The following KALRN variants were observed in gnomAD, a reference collection of about 807,000 sequenced individuals.
KALRN encodes the protein kalirin.
Under a neutral mutation model 353.7 loss-of-function variants are expected in KALRN, and 70 were observed. The ratio of observed to expected loss-of-function variants is 0.20; its 90% CI spans 0.16 to 0.24. The LOEUF (loss-of-function observed/expected upper bound fraction) is 0.24. Among genes scored for constraint, KALRN ranks in the 10% least tolerant of loss-of-function variants. The pLI, the probability that KALRN is intolerant of heterozygous loss-of-function variation, is 1.00. For synonymous variants in KALRN, 1,391 were observed against 1,434.8 expected, an observed-to-expected ratio of 0.97 and a Z score of 0.69; for missense variants, 2,791 against 3,756.7, an observed-to-expected ratio of 0.74 and a Z score of 6.72.
At chr3:124,437,890 GATATGTAC>G (rs2150546172) in intron 17 of KALRN, among the ~76,000 whole-genome samples, 1 of 152,076 alleles carries the variant, frequency 6.6e-6, no homozygotes, top group Non-Finnish European at 1.5e-5. Context: ...ACCCCTCACA[GATATGTAC>G]ATTCTCCCAT....
rs76379165 is a variant in KALRN, at chr3:124,296,107, C to T, written c.970-2684C>T. Among the ~76,000 whole-genome samples, 31 of 152,286 alleles carry T rather than the reference C, an allele frequency of 2.0e-4. No individual in the cohort carries two copies. The East Asian group carries it at 4.8e-3, about 24-fold the overall frequency. On this transcript the variant is annotated intron_variant, in intron 5 of 59. Transcript: ENST00000682506. ...GGGAGAATAATCTCCAAATCATGCA[C>T]GTTTGCCTTTGGAAGGTGATGTTTT...
intron 16 of KALRN, among the ~76,000 whole-genome samples, chr3:124,433,896 G>T (rs536316140): frequency 6.6e-6 from 1 of 152,248 alleles, no homozygotes; most frequent in East Asian, 1.9e-4. Context: ...GTCTATACTT[G>T]ATCTGTAAAA....
intron 14 of KALRN, among the ~76,000 whole-genome samples, chr3:124,416,969 G>A (rs964314698): frequency 3.3e-5 from 5 of 152,212 alleles, no homozygotes; most frequent in Non-Finnish European, 7.3e-5. Context: ...TTCTTTTCAA[G>A]TGTGAAGTTT....
chr3:124,126,872 C>T (rs1277760487), intron 1 of KALRN, among the ~76,000 whole-genome samples: 1 of 152,178 alleles, frequency 6.6e-6, no homozygotes, highest in Non-Finnish European at 1.5e-5. Flanking sequence ...CTGGCACATT[C>T]CACCCCTCAA....
intron 34 of KALRN, among the ~76,000 whole-genome samples, chr3:124,594,963 T>A (rs1051518917): frequency 1.3e-5 from 2 of 151,812 alleles, no homozygotes; most frequent in Non-Finnish European, 1.5e-5. Flanking sequence ...TTTTTTTAAA[T>A]TTTTTTAAAA....
intron 57 of KALRN, among the ~76,000 whole-genome samples, chr3:124,710,325 C>A (rs961900766): frequency 6.6e-6 from 1 of 152,106 alleles, no homozygotes; most frequent in Non-Finnish European, 1.5e-5. Flanking sequence ...AGTTATGTGG[C>A]AGGGACAGAG....
chr3:124,576,078 C>T (rs901037029), intron 34 of KALRN, among the ~76,000 whole-genome samples: 1 of 151,574 alleles, frequency 6.6e-6, no homozygotes, highest in Non-Finnish European at 1.5e-5. Context: ...CACCAGATAC[C>T]CCAGATCCTC....
intron 51 of KALRN, among the ~76,000 whole-genome samples, chr3:124,686,798 A>ATTTTTTGTTTTT (rs2061580089): frequency 1.4e-5 from 1 of 70,800 alleles, no homozygotes; most frequent in Non-Finnish European, 2.7e-5. Flanking sequence ...CACTGGTGAG[A>ATTTTTTGTTTTT]TTTTTTTTTT....
chr3:124,416,950 T>C (rs2092536641), intron 14 of KALRN, among the ~76,000 whole-genome samples: 1 of 152,224 alleles, frequency 6.6e-6, no homozygotes. Flanking sequence ...CTAGGGAATT[T>C]TTATATGCTT....
intron 5 of KALRN, among the ~76,000 whole-genome samples, chr3:124,287,377 C>G (rs908556043): frequency 1.3e-5 from 2 of 152,018 alleles, no homozygotes; most frequent in African/African-American, 4.8e-5. Flanking sequence ...GCATCTCCCT[C>G]CACTGTAATA....
At chr3:124,564,470 G>A (rs1413502339) in intron 34 of KALRN, among the ~76,000 whole-genome samples, 1 of 151,958 alleles carries the variant, frequency 6.6e-6, no homozygotes, top group East Asian at 1.9e-4. Context: ...GAGGCTAGGA[G>A]TTTGAGACCA....
intron 1 of KALRN, among the ~76,000 whole-genome samples, chr3:124,190,319 T>C (rs2074764517): frequency 6.6e-6 from 1 of 152,200 alleles, no homozygotes; most frequent in Non-Finnish European, 1.5e-5. Flanking sequence ...CCAGTGGAGT[T>C]ATATGTCTGA....
intron 39 of KALRN, 29 bp downstream of exon 39, chr3:124,655,696 G>A: frequency 6.3e-7 from 1 of 1,580,892 alleles, no homozygotes; most frequent in Non-Finnish European, 8.7e-7. Flanking sequence ...GTGGGTCTGT[G>A]GTCACCCAAC....
At chr3:124,490,985 C>T in intron 30 of KALRN, 101 bp downstream of exon 30, 8 of 1,032,142 alleles carry the variant, frequency 7.8e-6, no homozygotes, top group Admixed American at 2.6e-5. Context: ...CCCCGGCCTC[C>T]ACACCAAAAC....
In KALRN at chr3:124,443,309, G is replaced by A. The variant is rs75644471; in HGVS notation, c.3313+1250G>A. Among the ~76,000 whole-genome samples, 149 of 152,322 alleles carry A rather than the reference G, an allele frequency of 9.8e-4. 1 individual carries two copies. In the East Asian group the frequency reaches 0.025, roughly 25 times the overall value. ...GCAGAGAAATATAACTCTGGAGTCCGAGGCTAGGAATGGAACCCAAGCCGA... is the reference window on the plus strand; with the variant it reads ...GCAGAGAAATATAACTCTGGAGTCCAAGGCTAGGAATGGAACCCAAGCCGA... On this transcript the variant is annotated intron_variant, in intron 19 of 59. Transcript: ENST00000682506.
At chr3:124,244,980 A>T (rs1466226066) in intron 3 of KALRN, among the ~76,000 whole-genome samples, 3 of 151,848 alleles carry the variant, frequency 2.0e-5, no homozygotes, top group Non-Finnish European at 4.4e-5. Flanking sequence ...GAAATTTATC[A>T]TTTTTTTTGT....
At chr3:124,342,150 C>CTTTATTTATTTATTTA (rs6148051) in intron 9 of KALRN, among the ~76,000 whole-genome samples, 12,145 of 150,626 alleles carry the variant, frequency 0.081, 613 homozygotes, top group African/African-American at 0.13. Flanking sequence ...GAGGGTATGC[C>CTTTATTTATTTATTTA]TTTATTTATT....
chr3:124,524,462 G>A (rs1371241000), intron 33 of KALRN, among the ~76,000 whole-genome samples: 1 of 152,162 alleles, frequency 6.6e-6, no homozygotes, highest in Non-Finnish European at 1.5e-5. Flanking sequence ...CATAAAGCTT[G>A]GATGACTAGA....
chr3:124,511,899 A>C (rs2065946543), intron 33 of KALRN, among the ~76,000 whole-genome samples: 1 of 152,174 alleles, frequency 6.6e-6, no homozygotes, highest in Non-Finnish European at 1.5e-5. Context: ...GTGAGACTGT[A>C]TCTCCTTCTG....
Sources: allele counts gnomAD v4.1 joint callset (sites outside exome capture counted in the v4.1 genomes callset), GRCh38; gene constraint gnomAD v4.1.1; transcripts MANE v1.5; gene names NCBI Gene and HGNC (gene_info 2026-07-23, HGNC 2026-07-21).